RUNX1: variants seen among roughly 807,000 people sequenced by gnomAD.
RUNX1 encodes runt-related transcription factor 1.
In RUNX1, 19 loss-of-function variants were observed where a neutral mutation model predicts 42.8. The observed-to-expected ratio is 0.44, with a 90% CI of 0.31 to 0.65. The LOEUF is 0.65. Ranked by LOEUF, RUNX1 falls within the 30% of genes least tolerant of loss-of-function variation. The pLI is 0.07. For missense variants in RUNX1, 528 were observed against 672.0 expected (o/e 0.79, Z 2.37); for synonymous variants, 271 against 289.4 (o/e 0.94, Z 0.64).
chr21:34,926,980 A>AG (rs2058400230), intron 2 of RUNX1, among the ~76,000 whole-genome samples: 1 of 152,172 alleles, frequency 6.6e-6, no homozygotes, highest in Non-Finnish European at 1.5e-5. Context: ...CTTTCCCCAG[A>AG]GGTCCCTTTG....
intron 2 of RUNX1, 107 bp downstream of exon 2, chr21:35,048,735 G>C (rs2059418181): frequency 2.2e-6 from 2 of 891,706 alleles, no homozygotes; most frequent in African/African-American, 1.6e-5. Flanking sequence ...ACAAGACAGG[G>C]AACTGGCAGG....
At position 34,973,670 on chromosome 21, in the gene RUNX1, C is replaced by T. The variant is rs78081597; in HGVS notation, c.58+75172G>A. 6.3e-3 allele frequency among the ~76,000 whole-genome samples: 953 copies of T among 152,338 alleles called. 3 individuals are homozygous for T. The highest frequency in any genetic ancestry group is 9.6e-3 in the Non-Finnish European group (655 of 68,034). ...CCAAGAGAACAACACAAACCTCCCT[C>T]CATGTCATAGAAAACTCAGTTTGGA... On this transcript the variant is annotated intron_variant, in intron 2 of 8. Coordinates refer to ENST00000675419, the MANE Select transcript of RUNX1 (RefSeq NM_001754.5).
rs192963187 is a variant in RUNX1 at position 35,048,959 on chromosome 21, C to T, written c.-59-1G>A. On this transcript the variant is annotated splice_acceptor_variant, in intron 1 of 8. Transcript: ENST00000675419. LOFTEE classifies it low-confidence loss of function (5UTR_SPLICE). The stretch of plus-strand genomic sequence containing the variant: ...CGGGGGACTCAATGATTTCTTTTAC[C>T]TTCGGAGCGAAAACCAAGACAGGTC... 9.3e-5 allele frequency: 141 copies of T among 1,519,458 alleles called. 1 individual carries two copies. The Admixed American group carries it at 1.4e-3, about 15-fold the overall frequency. The allele number at this position is 1,519,458 out of a possible 1,614,324, so 94.1% of individuals were successfully genotyped here. A position where few individuals can be genotyped will look rare whatever the true frequency, so the allele number is the denominator to read the frequency against.
chr21:35,038,790 C>T (rs1444319543), intron 2 of RUNX1: 1 of 455,168 alleles, frequency 2.2e-6, no homozygotes, highest in Non-Finnish European at 4.4e-6. Flanking sequence ...TCTCCCACTT[C>T]CCAGGGCTCC....
At chr21:34,984,416 G>GA (rs967118145) in intron 2 of RUNX1, among the ~76,000 whole-genome samples, 20 of 137,318 alleles carry the variant, frequency 1.5e-4, no homozygotes, top group African/African-American at 4.5e-4. Context: ...TATGAGGGCA[G>GA]AAAAAAAACT....
chr21:34,903,504 T>C (rs1174160319), intron 2 of RUNX1, among the ~76,000 whole-genome samples: 1 of 152,188 alleles, frequency 6.6e-6, no homozygotes, highest in Admixed American at 6.5e-5. Context: ...AAAGGGAATA[T>C]AGAAGCTTTA....
chr21:34,793,788 C>T (rs1282978953), intron 8 of RUNX1, among the ~76,000 whole-genome samples: 1 of 151,742 alleles, frequency 6.6e-6, no homozygotes, highest in Admixed American at 6.6e-5. Flanking sequence ...ACTGCACCCA[C>T]CACCTCCTGG....
intron 6 of RUNX1, among the ~76,000 whole-genome samples, chr21:34,835,364 G>A (rs956793533): frequency 1.3e-5 from 2 of 152,146 alleles, no homozygotes; most frequent in African/African-American, 2.4e-5. Flanking sequence ...CAGCCTATCT[G>A]GTGAGCTTCC....
intron 2 of RUNX1, among the ~76,000 whole-genome samples, chr21:34,970,575 C>T (rs530367122): frequency 4.2e-4 from 64 of 152,346 alleles, no homozygotes; most frequent in Non-Finnish European, 7.1e-4. Flanking sequence ...CCCTCCACTT[C>T]CCTTCACCCT....
rs181648197 is a variant in RUNX1, at chr21:34,880,877, A to G, written c.352-164T>C. Among the ~76,000 whole-genome samples, 385 of 152,386 alleles carry G rather than the reference A, an allele frequency of 2.5e-3. 2 individuals carry two copies. Among genetic ancestry groups the G allele is most frequent in the African/African-American group, 8.6e-3 (359 of 41,590 alleles). ...ACTTAAGCAAAACAACAGAAAAGTTATAAAGAGAAGACACTTTTTTATTAT... is the reference window on the plus strand; with the variant it reads ...ACTTAAGCAAAACAACAGAAAAGTTGTAAAGAGAAGACACTTTTTTATTAT... On this transcript the variant is annotated intron_variant, in intron 4 of 8. Coordinates refer to ENST00000675419, the MANE Select transcript of RUNX1 (RefSeq NM_001754.5).
chr21:34,788,348 AAC>A lies in RUNX1; in HGVS notation c.*3785_*3786del, dbSNP rs2056393747. The A allele has an allele frequency of 4.3e-6, 1 of 233,444 alleles. No homozygotes were observed. The highest frequency in any genetic ancestry group is 1.8e-4 in the South Asian group (1 of 5,528). The allele number at this position is 233,444 out of a possible 1,614,324, so 14.5% of individuals were successfully genotyped here. A position where few individuals can be genotyped will look rare whatever the true frequency, so the allele number is the denominator to read the frequency against. Reference sequence around the variant, plus strand: ...TACATCCAGAATAACACAAATAACCAACAGTTCTTTTTCTTTTTTTGCACATT... The same window carrying A: ...TACATCCAGAATAACACAAATAACCAAGTTCTTTTTCTTTTTTTGCACATT... On this transcript the variant is annotated 3_prime_UTR_variant, in exon 9 of 9. Transcript: ENST00000675419.
At position 35,021,848 on chromosome 21, in the gene RUNX1, C is replaced by T. The variant is rs181504876; in HGVS notation, c.58+26994G>A. Among the ~76,000 whole-genome samples, 909 of 152,306 alleles carry T rather than the reference C, an allele frequency of 6.0e-3. 7 individuals are homozygous for T. The highest frequency in any genetic ancestry group is 0.046 in the South Asian group (220 of 4,826). ...TATCAGGCAGGCTGTCCCCAGAAGG[C>T]CTCTCTCAATCTCTCCCATTGGATG... On this transcript the variant is annotated intron_variant, in intron 2 of 8. Coordinates refer to ENST00000675419, the MANE Select transcript of RUNX1 (RefSeq NM_001754.5).
intron 8 of RUNX1, among the ~76,000 whole-genome samples, chr21:34,794,303 T>G (rs1029295840): frequency 2.6e-5 from 4 of 152,190 alleles, no homozygotes; most frequent in African/African-American, 7.2e-5. Context: ...TTCCTAGTAT[T>G]TAAGCGAATG....
At chr21:34,825,759 G>A (rs1423487450) in intron 7 of RUNX1, among the ~76,000 whole-genome samples, 5 of 152,208 alleles carry the variant, frequency 3.3e-5, no homozygotes, top group African/African-American at 9.7e-5. Flanking sequence ...GGCCTTTGAA[G>A]CTATAATTAA....
chr21:35,038,595 C>CTGTGTG (rs2059329637), intron 2 of RUNX1: 2 of 392,556 alleles, frequency 5.1e-6, no homozygotes, highest in African/African-American at 4.3e-5. Context: ...CTCTCTCTCT[C>CTGTGTG]TCTCTCTCTC....
chr21:34,992,087 C>T (rs1286163468), intron 2 of RUNX1, among the ~76,000 whole-genome samples: 1 of 152,208 alleles, frequency 6.6e-6, no homozygotes, highest in Non-Finnish European at 1.5e-5. Context: ...TTTCAGCCAC[C>T]CAGTTTGTAG....
At chr21:34,887,506 G>T in intron 3 of RUNX1, 1 of 1,176,544 alleles carries the variant, frequency 8.5e-7, no homozygotes. Flanking sequence ...AAAACGATCA[G>T]CAAACACATT....
At chr21:34,952,389 A>T (rs1012887047) in intron 2 of RUNX1, among the ~76,000 whole-genome samples, 8 of 152,132 alleles carry the variant, frequency 5.3e-5, no homozygotes, top group Non-Finnish European at 1.2e-4. Context: ...ATAATAATAA[A>T]AAAGAAAATA....
At position 34,814,934 on chromosome 21, in the gene RUNX1, TCTCA is replaced by T. The variant is rs530412612; in HGVS notation, c.806-15476_806-15473del. 2.6e-5 allele frequency among the ~76,000 whole-genome samples: 4 copies of T among 152,238 alleles called. No individual in the cohort carries two copies. The South Asian group carries it at 8.3e-4, about 32-fold the overall frequency. ...TGTGTTCACTGACTGACTCTCTCTC[TCTCA>T]TTGACTTATTTTTTTGTATTGTGTA... On this transcript the variant is annotated intron_variant, in intron 7 of 8. Transcript: ENST00000675419.
Sources: gnomAD v4.1 joint callset for allele counts (sites outside exome capture counted in the v4.1 genomes callset) on GRCh38, gnomAD v4.1.1 for gene constraint, MANE v1.5 for transcripts, NCBI Gene and HGNC (gene_info 2026-07-23, HGNC 2026-07-21) for gene names.